The following PLAC8L1 variants were observed in gnomAD, a reference collection of about 807,000 sequenced individuals.
PLAC8L1 encodes the protein PLAC8 like 1.
In PLAC8L1, 13 loss-of-function variants were observed where a neutral mutation model predicts 16.3. The ratio of observed to expected loss-of-function variants is 0.80; its 90% CI spans 0.52 to 1.27. PLAC8L1 has a LOEUF of 1.27. PLAC8L1 is among the 50% of genes most tolerant of loss of function. The pLI is 0.00. For missense variants in PLAC8L1, 184 were observed against 220.2 expected (o/e 0.84, Z 1.04); for synonymous variants, 78 against 79.3 (o/e 0.98, Z 0.09).
intron 2 of PLAC8L1, among the ~76,000 whole-genome samples, chr5:146,094,580 T>C (rs1001413548): frequency 6.6e-6 from 1 of 152,156 alleles, no homozygotes; most frequent in Admixed American, 6.5e-5. Context: ...CAAAGCTGGA[T>C]TGCCCAGTCT....
At chr5:146,097,072 G>C (rs1385013168) in intron 2 of PLAC8L1, among the ~76,000 whole-genome samples, 1 of 152,156 alleles carries the variant, frequency 6.6e-6, no homozygotes, top group African/African-American at 2.4e-5. Flanking sequence ...TGGAACTTAA[G>C]AGACTAACCC....
rs979937383 is a variant in PLAC8L1 at position 146,087,207 on chromosome 5, T to G, written c.257-1610A>C. 5.3e-5 allele frequency among the ~76,000 whole-genome samples: 8 copies of G among 152,344 alleles called. No homozygotes were observed. The East Asian group carries it at 1.3e-3, about 26-fold the overall frequency. On this transcript the variant is annotated intron_variant, in intron 2 of 3. Coordinates refer to ENST00000311450, the MANE Select transcript of PLAC8L1 (RefSeq NM_001029869.3). Reference sequence around the variant, plus strand: ...TATGCTGTTGTGTGAATCTGTCTCTTTTTTTAGAGTTGAGCCATATTCCAT... The same window carrying G: ...TATGCTGTTGTGTGAATCTGTCTCTGTTTTTAGAGTTGAGCCATATTCCAT...
Position 146,084,770 on chromosome 5 carries a change from C to A in PLAC8L1, c.394-198G>T, listed in dbSNP as rs149263871. 3.9e-5 allele frequency among the ~76,000 whole-genome samples: 6 copies of A among 152,340 alleles called. No homozygotes were observed. In the East Asian group the frequency reaches 9.6e-4, roughly 24 times the overall value. On this transcript the variant is annotated intron_variant, in intron 3 of 3. Coordinates refer to ENST00000311450, the MANE Select transcript of PLAC8L1 (RefSeq NM_001029869.3). Reference sequence around the variant, plus strand: ...GCTAATCAATGCCTGCGATTCAGAGCGCTGCCCTTAGGACCTCTGATATGG... The same window carrying A: ...GCTAATCAATGCCTGCGATTCAGAGAGCTGCCCTTAGGACCTCTGATATGG...
intron 1 of PLAC8L1, among the ~76,000 whole-genome samples, chr5:146,102,355 T>A (rs1763835786): frequency 6.6e-6 from 1 of 152,244 alleles, no homozygotes. Flanking sequence ...TATATTAAAA[T>A]GTTTGAATTG....
chr5:146,085,344 G>C, intron 3 of PLAC8L1, 117 bp downstream of exon 3: 1 of 1,141,056 alleles, frequency 8.8e-7, no homozygotes, highest in Middle Eastern at 2.1e-4. Flanking sequence ...TTCCCACTAA[G>C]CATGGTATGT....
intron 2 of PLAC8L1, among the ~76,000 whole-genome samples, chr5:146,092,836 G>T (rs13175806): frequency 6.6e-6 from 1 of 151,836 alleles, no homozygotes; most frequent in South Asian, 2.1e-4. Flanking sequence ...GCACCCGGCC[G>T]AATTTGCCAA....
rs987667897 is a variant in PLAC8L1, at chr5:146,098,379, G to C, written c.120-87C>G. 43 of 1,360,906 alleles carry C rather than the reference G, an allele frequency of 3.2e-5. No homozygotes were observed. The African/African-American group carries it at 6.1e-4, about 19-fold the overall frequency. The allele number at this position is 1,360,906 out of a possible 1,614,324, so 84.3% of individuals were successfully genotyped here. ...AGCCAAGTCAGAACCATAAAGAAGA[G>C]ATAGGGACCCAATGATGCCAAGGGG... On this transcript the variant is annotated intron_variant, in intron 1 of 3. Coordinates refer to ENST00000311450, the MANE Select transcript of PLAC8L1 (RefSeq NM_001029869.3).
chr5:146,098,918 A>G (rs1763762875), intron 1 of PLAC8L1, among the ~76,000 whole-genome samples: 1 of 152,228 alleles, frequency 6.6e-6, no homozygotes, highest in Non-Finnish European at 1.5e-5. Flanking sequence ...TCTTGATATC[A>G]AATTACTGTA....
chr5:146,097,082 C>T (rs1763729518), intron 2 of PLAC8L1, among the ~76,000 whole-genome samples: 1 of 152,154 alleles, frequency 6.6e-6, no homozygotes, highest in African/African-American at 2.4e-5. Context: ...GAGACTAACC[C>T]TCATCCATCA....
chr5:146,086,941 GA>G (rs1409348014), intron 2 of PLAC8L1, among the ~76,000 whole-genome samples: 36 of 152,284 alleles, frequency 2.4e-4, no homozygotes, highest in African/African-American at 6.5e-4. Flanking sequence ...TGTTCTGTGG[GA>G]TGAGTGTCAA....
intron 2 of PLAC8L1, among the ~76,000 whole-genome samples, chr5:146,090,644 A>G (rs1763595734): frequency 6.6e-6 from 1 of 152,348 alleles, no homozygotes; most frequent in South Asian, 2.1e-4. Context: ...CAGGTAATCC[A>G]CTTAAGAGCA....
At chr5:146,098,392 T>G in intron 1 of PLAC8L1, 100 bp from the exon 2 acceptor site, 1 of 1,210,978 alleles carries the variant, frequency 8.3e-7, no homozygotes. Context: ...AGGGACCCAA[T>G]GATGCCAAGG....
In PLAC8L1 at chr5:146,103,195, T is replaced by C. The variant is rs372038158; in HGVS notation, c.119+998A>G. 6.2e-4 allele frequency among the ~76,000 whole-genome samples: 95 copies of C among 152,322 alleles called. 3 individuals are homozygous for C. In the South Asian group the frequency reaches 0.019, roughly 30 times the overall value. On this transcript the variant is annotated intron_variant, in intron 1 of 3. Coordinates refer to ENST00000311450, the MANE Select transcript of PLAC8L1 (RefSeq NM_001029869.3). Reference sequence around the variant, plus strand: ...TTTTTTTGAGACAGAGTTTTGCTTTTGTCGCCCAGGCTGGAGTGCAGTAGT... The same window carrying C: ...TTTTTTTGAGACAGAGTTTTGCTTTCGTCGCCCAGGCTGGAGTGCAGTAGT...
chr5:146,101,595 T>C (rs924100794), intron 1 of PLAC8L1, among the ~76,000 whole-genome samples: 5 of 152,242 alleles, frequency 3.3e-5, no homozygotes, highest in Admixed American at 1.3e-4. Flanking sequence ...GGGTGCATGA[T>C]AAGTATTTCT....
At chr5:146,089,073 G>C (rs933066795) in intron 2 of PLAC8L1, among the ~76,000 whole-genome samples, 1 of 152,142 alleles carries the variant, frequency 6.6e-6, no homozygotes, top group African/African-American at 2.4e-5. Flanking sequence ...AACTGATAAA[G>C]AGAAATGCCC....
intron 2 of PLAC8L1, among the ~76,000 whole-genome samples, chr5:146,097,933 C>A (rs193189988): frequency 1.3e-5 from 2 of 152,334 alleles, no homozygotes; most frequent in East Asian, 3.9e-4. Flanking sequence ...TGGAGTCTGT[C>A]ATTTAGAAAT....
At chr5:146,103,051 T>C (rs955978594) in intron 1 of PLAC8L1, among the ~76,000 whole-genome samples, 2 of 152,200 alleles carry the variant, frequency 1.3e-5, no homozygotes, top group Non-Finnish European at 2.9e-5. Flanking sequence ...CCAAATGCCT[T>C]AAAATTCAGT....
At chr5:146,088,288 A>C (rs1763556385) in intron 2 of PLAC8L1, among the ~76,000 whole-genome samples, 1 of 152,236 alleles carries the variant, frequency 6.6e-6, no homozygotes, top group Admixed American at 6.5e-5. Context: ...CCACATCCTC[A>C]CCAACATTTG....
At chr5:146,099,100 A>C (rs919301212) in intron 1 of PLAC8L1, among the ~76,000 whole-genome samples, 3 of 152,166 alleles carry the variant, frequency 2.0e-5, no homozygotes, top group Admixed American at 6.5e-5. Context: ...GTTGTGCCTG[A>C]ATTTCAACCA....
Sources: allele counts gnomAD v4.1 joint callset (sites outside exome capture counted in the v4.1 genomes callset), GRCh38; gene constraint gnomAD v4.1.1; transcripts MANE v1.5; gene names NCBI Gene and HGNC (gene_info 2026-07-23, HGNC 2026-07-21).